The following LHFPL4 variants were observed in gnomAD, a reference collection of about 807,000 sequenced individuals.
LHFPL4 encodes the protein LHFPL tetraspan subfamily member 4 protein.
Under a neutral mutation model 20.0 loss-of-function variants are expected in LHFPL4, and 6 were observed. The observed-to-expected ratio is 0.30, with a 90% CI of 0.16 to 0.59. The LOEUF (loss-of-function observed/expected upper bound fraction) is 0.59, where lower values mean the gene tolerates loss of function less well. Among genes scored for constraint, LHFPL4 ranks in the 20% least tolerant of loss-of-function variants. The pLI, the probability that LHFPL4 is intolerant of heterozygous loss-of-function variation, is 0.88. For missense variants in LHFPL4, 215 were observed against 331.2 expected (o/e 0.65, Z 2.72); for synonymous variants, 129 against 143.8 (o/e 0.90, Z 0.74).
chr3:9,505,908 C>A, intron 3 of LHFPL4, 59 bp downstream of exon 3: 1 of 1,475,650 alleles, frequency 6.8e-7, no homozygotes, highest in South Asian at 1.2e-5. Flanking sequence ...TGAAATTATC[C>A]TGCCTCCCAG....
chr3:9,550,709 C>A (rs2046547816), intron 2 of LHFPL4: 1 of 152,200 alleles, frequency 6.6e-6, no homozygotes, highest in African/African-American at 2.4e-5. Flanking sequence ...CTGGGTACCA[C>A]AGAGAAGTAT....
In LHFPL4 at chr3:9,506,612, G is replaced by C. The variant is rs1008063862; in HGVS notation, c.407-409C>G. ...TTGTTGTTGTTTGAGACGGAGTCTC[G>C]CTCTGTTGCCCAGGGTGGAGTGCAA... On this transcript the variant is annotated intron_variant, in intron 2 of 3. Coordinates refer to ENST00000287585, the MANE Select transcript of LHFPL4 (RefSeq NM_198560.3). This position sits in a 1 kb window ranked among gnomAD's most constrained non-coding sequence, Gnocchi z 4.5. Among the ~76,000 whole-genome samples, 1 of 152,066 alleles carries C rather than the reference G, an allele frequency of 6.6e-6. No individual in the cohort carries two copies. The highest frequency in any genetic ancestry group is 1.5e-5 in the Non-Finnish European group (1 of 67,990).
At chr3:9,504,693 C>T (rs575915384) in intron 3 of LHFPL4, among the ~76,000 whole-genome samples, 26 of 151,936 alleles carry the variant, frequency 1.7e-4, no homozygotes, top group East Asian at 1.9e-4. Context: ...GGCGTGGTGG[C>T]GGGTGCCTGT....
intron 2 of LHFPL4, among the ~76,000 whole-genome samples, chr3:9,547,901 G>T (rs1174190833): frequency 2.0e-5 from 3 of 152,068 alleles, no homozygotes; most frequent in Non-Finnish European, 4.4e-5. Flanking sequence ...CGCCTCCCAG[G>T]CTCAAGCGAT....
intron 2 of LHFPL4, among the ~76,000 whole-genome samples, chr3:9,510,913 G>T (rs2046254491): frequency 6.6e-6 from 1 of 151,410 alleles, no homozygotes; most frequent in Non-Finnish European, 1.5e-5. Flanking sequence ...ACTCCACCCT[G>T]GGTGACAGAG....
intron 2 of LHFPL4, among the ~76,000 whole-genome samples, chr3:9,525,046 G>T (rs893533931): frequency 6.6e-6 from 1 of 152,130 alleles, no homozygotes; most frequent in Non-Finnish European, 1.5e-5. Flanking sequence ...GGCAGATGGA[G>T]TTTCCTTCCC....
chr3:9,527,711 A>G (rs1241815402), intron 2 of LHFPL4, among the ~76,000 whole-genome samples: 3 of 152,128 alleles, frequency 2.0e-5, no homozygotes, highest in Non-Finnish European at 4.4e-5. Context: ...TGTCTGAAAA[A>G]CAAAAACAAA....
intron 2 of LHFPL4, among the ~76,000 whole-genome samples, chr3:9,532,688 T>C (rs747041388): frequency 6.6e-6 from 1 of 152,184 alleles, no homozygotes; most frequent in Non-Finnish European, 1.5e-5. Flanking sequence ...CCATCCTCTT[T>C]TAGGGAGGCC....
chr3:9,509,243 C>CT (rs955718796), intron 2 of LHFPL4, among the ~76,000 whole-genome samples: 2 of 145,398 alleles, frequency 1.4e-5, no homozygotes, highest in East Asian at 2.3e-4. Context: ...TTCTTCGCAC[C>CT]CCCCTCTCTC....
At chr3:9,528,324 G>A (rs2046387554) in intron 2 of LHFPL4, among the ~76,000 whole-genome samples, 2 of 152,164 alleles carry the variant, frequency 1.3e-5, no homozygotes. Flanking sequence ...AGTGCTCACA[G>A]CATCTTCACC....
chr3:9,552,746 G>A lies in LHFPL4; in HGVS notation c.-67C>T, dbSNP rs2125669661. 3.0e-6 allele frequency: 3 copies of A among 988,372 alleles called. No homozygotes were observed. Among genetic ancestry groups the A allele is most frequent in the South Asian group, 4.8e-5 (1 of 21,022 alleles). The allele number at this position is 988,372 out of a possible 1,614,324, so 61.2% of individuals were successfully genotyped here. On this transcript the variant is annotated 5_prime_UTR_variant, in exon 2 of 4. Coordinates refer to ENST00000287585, the MANE Select transcript of LHFPL4 (RefSeq NM_198560.3). Reference sequence around the variant, plus strand: ...GGCCGCCGGCCCGGGACGGAGCGCCGGGCTGCCGGGCGGGAGCTGGGGACG... The same window carrying A: ...GGCCGCCGGCCCGGGACGGAGCGCCAGGCTGCCGGGCGGGAGCTGGGGACG...
At chr3:9,535,565 T>C (rs1574851140) in intron 2 of LHFPL4, among the ~76,000 whole-genome samples, 1 of 152,128 alleles carries the variant, frequency 6.6e-6, no homozygotes, top group Non-Finnish European at 1.5e-5. Flanking sequence ...AGAACAATGA[T>C]AATTTTTAAA....
chr3:9,534,351 T>G (rs1375280358), intron 2 of LHFPL4, among the ~76,000 whole-genome samples: 1 of 152,042 alleles, frequency 6.6e-6, no homozygotes, highest in African/African-American at 2.4e-5. Flanking sequence ...ATATAATCAG[T>G]CATTAAAGAG....
chr3:9,542,124 A>T (rs1001293035), intron 2 of LHFPL4, among the ~76,000 whole-genome samples: 2 of 151,802 alleles, frequency 1.3e-5, no homozygotes, highest in African/African-American at 4.8e-5. Context: ...CATCTCTACT[A>T]AAACTACAAA....
At chr3:9,502,364 C>T in intron 3 of LHFPL4, 53 bp from the exon 4 acceptor site, 1 of 1,353,306 alleles carries the variant, frequency 7.4e-7, no homozygotes, top group Non-Finnish European at 1.1e-6. Context: ...AAGTCAGAGG[C>T]TGCCTGGGCA....
chr3:9,516,694 G>A (rs951080674), intron 2 of LHFPL4, among the ~76,000 whole-genome samples: 3 of 151,426 alleles, frequency 2.0e-5, no homozygotes, highest in Non-Finnish European at 4.4e-5. Flanking sequence ...GGCTGGTCTC[G>A]AACTCCTGAC....
intron 2 of LHFPL4, among the ~76,000 whole-genome samples, chr3:9,524,697 T>C (rs960139857): frequency 1.3e-5 from 2 of 152,234 alleles, no homozygotes; most frequent in African/African-American, 4.8e-5. Context: ...ATTATAGTTA[T>C]ATGTGTAAAT....
In LHFPL4 at chr3:9,552,380, C is replaced by G; in HGVS notation, c.300G>C (p.Leu100=). ...AGCCGAGGATCAGCACCATGGAGAG[C>G]AGCACGAAGAAGGCGGCCGCCTTGA... ...SAFKAAAFFV[L]LSMVLILGCI... Residue 100 remains leucine (L), a synonymous_variant, in exon 2 of 4, where the codon CTG becomes CTC. Transcript: ENST00000287585. 1 of 1,613,952 alleles carries G rather than the reference C, an allele frequency of 6.2e-7. No homozygotes were observed. The highest frequency in any genetic ancestry group is 1.1e-5 in the South Asian group (1 of 91,082).
intron 3 of LHFPL4, among the ~76,000 whole-genome samples, 162 bp from the exon 4 acceptor site, chr3:9,502,473 G>A (rs1305116139): frequency 3.9e-5 from 6 of 151,960 alleles, no homozygotes; most frequent in African/African-American, 9.7e-5. Flanking sequence ...AGGCTGAGGC[G>A]GGTGGATCAC....
Sources: allele counts gnomAD v4.1 joint callset (sites outside exome capture counted in the v4.1 genomes callset), GRCh38; gene constraint gnomAD v4.1.1; non-coding constraint Gnocchi (gnomAD v3.1); transcripts MANE v1.5; gene names NCBI Gene and HGNC (gene_info 2026-07-23, HGNC 2026-07-21).